Variants in SH3PXD2B observed in about 807,000 individuals in gnomAD.
SH3PXD2B encodes the protein SH3 and PX domains 2B.
Under a neutral mutation model 73.1 loss-of-function variants are expected in SH3PXD2B, and 37 were observed. That is an observed-to-expected ratio of 0.51 (90% confidence interval 0.39 to 0.67). The LOEUF (loss-of-function observed/expected upper bound fraction) is 0.67, where lower values mean the gene tolerates loss of function less well. Among genes scored for constraint, SH3PXD2B ranks in the 30% least tolerant of loss-of-function variants. The probability of loss-of-function intolerance (pLI) is 0.00; values close to 1 mark genes in which losing one functional copy is unlikely to be tolerated. For synonymous variants in SH3PXD2B, 457 were observed against 480.5 expected (o/e 0.95, Z 0.64); for missense variants, 1,053 against 1,197.8 (o/e 0.88, Z 1.78).
intron 1 of SH3PXD2B, among the ~76,000 whole-genome samples, chr5:172,439,067 C>T (rs145409355): frequency 0.061 from 9,244 of 151,012 alleles, 374 homozygotes; most frequent in South Asian, 0.23. Context: ...GGTGAAACCC[C>T]GTCTCTACTA....
Position 172,421,395 on chromosome 5 carries a change from T to A in SH3PXD2B, c.156+1021A>T, listed in dbSNP as rs557264273. On this transcript the variant is annotated intron_variant, in intron 2 of 12. Transcript: ENST00000311601. This position sits in a 1 kb window ranked among gnomAD's most constrained non-coding sequence, Gnocchi z 4.0. ...GACTGGTAGTATACATGGTGTTCGTTCATTCATTCATTCATTCACCAAACA... is the reference window on the plus strand; with the variant it reads ...GACTGGTAGTATACATGGTGTTCGTACATTCATTCATTCATTCACCAAACA... Among the ~76,000 whole-genome samples the A allele has an allele frequency of 3.7e-4, 56 of 152,310 alleles. No homozygotes were observed. Among genetic ancestry groups the A allele is most frequent in the Non-Finnish European group, 7.2e-4 (49 of 68,018 alleles).
At chr5:172,393,309 A>G (rs1758229356) in intron 4 of SH3PXD2B, among the ~76,000 whole-genome samples, 1 of 152,112 alleles carries the variant, frequency 6.6e-6, no homozygotes, top group Admixed American at 6.5e-5. Flanking sequence ...ATTCTTTTTG[A>G]TGCTATTGGG....
chr5:172,423,440 C>T (rs1019056465), intron 1 of SH3PXD2B, among the ~76,000 whole-genome samples: 1 of 151,422 alleles, frequency 6.6e-6, no homozygotes, highest in Admixed American at 6.6e-5. Flanking sequence ...CCCTGTCCTC[C>T]ATGAGGTGAC....
In SH3PXD2B at chr5:172,353,980, C is replaced by A. The variant is rs143272304; in HGVS notation, c.693G>T (p.Pro231=). The change falls in exon 9 of 13, where the codon CCG becomes CCT. Residue 231 remains proline, a synonymous_variant. Coordinates refer to ENST00000311601, the MANE Select transcript of SH3PXD2B (RefSeq NM_001017995.3). The surrounding 1 kb of genome is among the most constrained non-coding windows in gnomAD (Gnocchi z 4.3). Reference sequence around the variant, plus strand: ...TTTCATCCTGGTCCCGAGCTGTGTACGGGTAGATGACTGTGTACTTCTCCT... The same window carrying A: ...TTTCATCCTGGTCCCGAGCTGTGTAAGGGTAGATGACTGTGTACTTCTCCT... The part of the protein sequence containing the change: ...EEEEKYTVIY[P]YTARDQDEMN... The A allele has an allele frequency of 6.2e-7, 1 of 1,613,984 alleles. No individual in the cohort carries two copies. Among genetic ancestry groups the A allele is most frequent in the Non-Finnish European group, 8.5e-7 (1 of 1,180,010 alleles).
At chr5:172,420,860 A>G (rs527842534) in intron 2 of SH3PXD2B, among the ~76,000 whole-genome samples, 1 of 151,752 alleles carries the variant, frequency 6.6e-6, no homozygotes, top group Non-Finnish European at 1.5e-5. Flanking sequence ...GGATCCGAGG[A>G]TAAAGCCAGC....
chr5:172,371,369 A>G (rs1229031922), intron 6 of SH3PXD2B, among the ~76,000 whole-genome samples: 1 of 152,232 alleles, frequency 6.6e-6, no homozygotes, highest in Non-Finnish European at 1.5e-5. Flanking sequence ...AGACCACATT[A>G]GCCAAAGTCT....
chr5:172,416,845 G>A (rs1344478544), intron 2 of SH3PXD2B, among the ~76,000 whole-genome samples: 1 of 151,672 alleles, frequency 6.6e-6, no homozygotes, highest in Non-Finnish European at 1.5e-5. Context: ...AGTAGCCTGG[G>A]CTACAGGTGC....
chr5:172,350,314 T>G (rs1581267115), intron 10 of SH3PXD2B, 49 bp downstream of exon 10: 1 of 1,584,870 alleles, frequency 6.3e-7, no homozygotes, highest in African/African-American at 1.3e-5. Flanking sequence ...AGCACAGAGC[T>G]GGCACACAGG....
intron 12 of SH3PXD2B, among the ~76,000 whole-genome samples, chr5:172,328,469 G>A (rs1024683145): frequency 3.3e-5 from 5 of 152,136 alleles, no homozygotes; most frequent in Admixed American, 1.3e-4. Context: ...GAAGTGTTGG[G>A]ATTACAGGTG....
intron 5 of SH3PXD2B, among the ~76,000 whole-genome samples, chr5:172,378,092 C>A (rs1317241448): frequency 5.9e-5 from 9 of 152,182 alleles, no homozygotes; most frequent in Non-Finnish European, 1.5e-5. Flanking sequence ...CATGCAGCCT[C>A]CGGGACTTCC....
Position 172,335,024 on chromosome 5 carries a change from A to T in SH3PXD2B, c.*3345T>A. 1 of 985,496 alleles carries T rather than the reference A, an allele frequency of 1.0e-6. No homozygotes were observed. The highest frequency in any genetic ancestry group is 1.2e-6 in the Non-Finnish European group (1 of 829,964). The allele number at this position is 985,496 out of a possible 1,614,324, so 61.0% of individuals were successfully genotyped here. A position where few individuals can be genotyped will look rare whatever the true frequency, so the allele number is the denominator to read the frequency against. On this transcript the variant is annotated 3_prime_UTR_variant, in exon 13 of 13. Coordinates refer to ENST00000311601, the MANE Select transcript of SH3PXD2B (RefSeq NM_001017995.3). Reference sequence around the variant, plus strand: ...GGCCATTAAAAGCGGTTTAAGCTGGAGCTCAGCTCTCCCGCAGTCTCAGCT... The same window carrying T: ...GGCCATTAAAAGCGGTTTAAGCTGGTGCTCAGCTCTCCCGCAGTCTCAGCT...
chr5:172,366,148 G>A (rs550055272), intron 6 of SH3PXD2B, among the ~76,000 whole-genome samples: 55 of 152,320 alleles, frequency 3.6e-4, no homozygotes, highest in South Asian at 8.3e-4. Flanking sequence ...GGGTCAGGGA[G>A]TGGCTGTGAG....
Position 172,394,615 on chromosome 5 carries a change from T to C in SH3PXD2B, c.257A>G (p.His86Arg). Residue 86 changes from histidine (H) to arginine (R), a missense_variant, in exon 4 of 13, where the codon CAC (histidine) becomes CGC (arginine). Physicochemically the swap from His to Arg is conservative, Grantham distance 29. Around this residue, in one of 2 missense-constraint regions of SH3PXD2B, gnomAD observed 466 missense variants for 607.1 expected, o/e 0.77. Transcript: ENST00000311601. Reference sequence around the variant, plus strand: ...GCGTTTGACAGCCACGTCCCGGATGTGGCTTCGTCTGAAGAGAATCTTACC... The same window carrying C: ...GCGTTTGACAGCCACGTCCCGGATGCGGCTTCGTCTGAAGAGAATCTTACC... ...LPGKILFRRS[H>R]IRDVAVKRLI... 6.2e-7 allele frequency: 1 copy of C among 1,614,140 alleles called. No homozygotes were observed. Among genetic ancestry groups the C allele is most frequent in the Non-Finnish European group, 8.5e-7 (1 of 1,179,986 alleles).
At chr5:172,389,568 CAAAA>C (rs34351709) in intron 4 of SH3PXD2B, among the ~76,000 whole-genome samples, 8 of 103,618 alleles carry the variant, frequency 7.7e-5, no homozygotes, top group East Asian at 3.0e-4. Context: ...TCATCTCTAC[CAAAA>C]AAAAAAAAAA....
chr5:172,360,031 A>G, intron 7 of SH3PXD2B, among the ~76,000 whole-genome samples: 1 of 152,194 alleles, frequency 6.6e-6, no homozygotes, highest in South Asian at 2.1e-4. Flanking sequence ...ACCTAAAGAA[A>G]GCAATGGGGC....
chr5:172,420,264 T>C (rs1758930912), intron 2 of SH3PXD2B, among the ~76,000 whole-genome samples: 1 of 152,240 alleles, frequency 6.6e-6, no homozygotes, highest in South Asian at 2.1e-4. Context: ...TATGATACTG[T>C]TTGATATTAT....
intron 6 of SH3PXD2B, among the ~76,000 whole-genome samples, chr5:172,364,787 G>A (rs994199755): frequency 2.6e-5 from 4 of 152,216 alleles, no homozygotes; most frequent in Non-Finnish European, 5.9e-5. Flanking sequence ...CTGTTGGGTG[G>A]TGTCTTGTTG....
intron 12 of SH3PXD2B, among the ~76,000 whole-genome samples, chr5:172,342,298 C>T (rs969375852): frequency 1.8e-4 from 28 of 152,166 alleles, no homozygotes; most frequent in African/African-American, 6.0e-4. Flanking sequence ...ATCTGATGAA[C>T]GCTCATGACA....
intron 12 of SH3PXD2B, among the ~76,000 whole-genome samples, chr5:172,328,219 C>A (rs1310795016): frequency 2.0e-5 from 3 of 151,498 alleles, no homozygotes; most frequent in Non-Finnish European, 2.9e-5. Flanking sequence ...CTCTGCCTCA[C>A]CTCAGCCTCC....
Sources: allele counts gnomAD v4.1 joint callset (sites outside exome capture counted in the v4.1 genomes callset), GRCh38; gene constraint gnomAD v4.1.1; regional missense constraint gnomAD v4.1.1; non-coding constraint Gnocchi (gnomAD v3.1); transcripts MANE v1.5; gene names NCBI Gene and HGNC (gene_info 2026-07-23, HGNC 2026-07-21).